USH2A: variants seen among roughly 807,000 people sequenced by gnomAD.
USH2A encodes the protein Usher syndrome 2A (autosomal recessive, mild).
A neutral mutation model predicts 538.9 loss-of-function variants in USH2A; 443 were observed. The ratio of observed to expected loss-of-function variants is 0.82; its 90% CI spans 0.76 to 0.89. The LOEUF is 0.89. Ranked by LOEUF, USH2A falls within the 40% of genes least tolerant of loss-of-function variation. USH2A has a pLI of 0.00. For synonymous variants in USH2A, 2,413 were observed against 2,273.5 expected, an observed-to-expected ratio of 1.06 and a Z score of -1.75; for missense variants, 6,633 against 6,324.8, an observed-to-expected ratio of 1.05 and a Z score of -1.65.
intron 38 of USH2A, among the ~76,000 whole-genome samples, chr1:215,930,816 G>A (rs1376545317): frequency 1.3e-5 from 2 of 151,934 alleles, no homozygotes; most frequent in African/African-American, 4.8e-5. Context: ...CCTTGAAGGG[G>A]TAAAGGCCAT....
At chr1:215,727,782 A>G (rs1214966871) in intron 61 of USH2A, among the ~76,000 whole-genome samples, 1 of 152,274 alleles carries the variant, frequency 6.6e-6, no homozygotes, top group African/African-American at 2.4e-5. Flanking sequence ...CAATTTTATG[A>G]ATAAATAAAA....
In USH2A at chr1:215,675,532, G is replaced by C. The variant is rs1657993885; in HGVS notation, c.12379C>G (p.Leu4127Val). ...FLFRRLDPFT[L>V]YTLTLEACTR... ...CAGGCCTCCAGGGTCAGTGTGTAGAGAGTGAAAGGATCCAGGCGGCGGAAG... is the reference window on the plus strand; with the variant it reads ...CAGGCCTCCAGGGTCAGTGTGTAGACAGTGAAAGGATCCAGGCGGCGGAAG... The change falls in exon 63 of 72, where the codon CTC becomes GTC. Residue 4127 changes from leucine to valine, a missense_variant. Coordinates refer to ENST00000307340, the MANE Select transcript of USH2A (RefSeq NM_206933.4). 6.2e-7 allele frequency: 1 copy of C among 1,613,920 alleles called. No homozygotes were observed. The highest frequency in any genetic ancestry group is 8.5e-7 in the Non-Finnish European group (1 of 1,180,004).
At chr1:216,042,634 A>G (rs2030328039) in intron 32 of USH2A, among the ~76,000 whole-genome samples, 1 of 152,078 alleles carries the variant, frequency 6.6e-6, no homozygotes, top group Non-Finnish European at 1.5e-5. Context: ...TAAACTGCCC[A>G]TAGAAGCTAA....
At chr1:216,073,011 A>T (rs762634833) in intron 28 of USH2A, 42 bp from the exon 29 acceptor site, 5 of 1,611,972 alleles carry the variant, frequency 3.1e-6, no homozygotes, top group South Asian at 1.1e-5. Flanking sequence ...AATAATACTC[A>T]TATAGATTAA....
chr1:216,375,814 T>A (rs1046202498), intron 3 of USH2A, among the ~76,000 whole-genome samples: 1 of 152,150 alleles, frequency 6.6e-6, no homozygotes, highest in Non-Finnish European at 1.5e-5. Context: ...AATGTTACTC[T>A]TCCTTTCACT....
At chr1:216,393,709 A>G (rs993600888) in intron 3 of USH2A, among the ~76,000 whole-genome samples, 3 of 152,188 alleles carry the variant, frequency 2.0e-5, no homozygotes, top group Admixed American at 2.0e-4. Context: ...CTCCCTGCCA[A>G]TCACAAGTAA....
At chr1:215,742,433 T>TATGTTATATATGATATACACATATATC (rs202118352) in intron 59 of USH2A, among the ~76,000 whole-genome samples, 4 of 152,052 alleles carry the variant, frequency 2.6e-5, no homozygotes, top group East Asian at 3.9e-4. Context: ...ATATATATCA[T>TATGTTATATATGATATACACATATATC]ATGTTATATA....
intron 11 of USH2A, among the ~76,000 whole-genome samples, chr1:216,287,399 T>G (rs1446439423): frequency 6.6e-6 from 1 of 152,200 alleles, no homozygotes; most frequent in African/African-American, 2.4e-5. Flanking sequence ...TATAAGATGT[T>G]AAGAAAGAAA....
At chr1:215,863,584 C>T (rs1053301678) in intron 44 of USH2A, among the ~76,000 whole-genome samples, 1 of 151,970 alleles carries the variant, frequency 6.6e-6, no homozygotes, top group Non-Finnish European at 1.5e-5. Context: ...TTCCAGAGTT[C>T]ACTGAGTGCT....
chr1:216,246,642 C>T lies in USH2A; in HGVS notation c.2752G>A (p.Gly918Ser), dbSNP rs576849022. 6.2e-6 allele frequency: 10 copies of T among 1,614,050 alleles called. No individual in the cohort carries two copies. The East Asian group carries it at 8.9e-5, about 14-fold the overall frequency. Residue 918 changes from glycine (G) to serine (S), a missense_variant, in exon 13 of 72, where the codon GGC (glycine) becomes AGC (serine). Coordinates refer to ENST00000307340, the MANE Select transcript of USH2A (RefSeq NM_206933.4). Reference protein sequence around the residue: ...LPGTICDPISGQCLCVPNRQG... With the variant: ...LPGTICDPISSQCLCVPNRQG... ...CGATTAGGCACACACAGGCACTGGCCACTGATTGGGTCACAAATGGTCCCA... is the reference window on the plus strand; with the variant it reads ...CGATTAGGCACACACAGGCACTGGCTACTGATTGGGTCACAAATGGTCCCA...
intron 50 of USH2A, among the ~76,000 whole-genome samples, chr1:215,797,465 C>T (rs557543949): frequency 5.9e-5 from 9 of 152,190 alleles, no homozygotes; most frequent in East Asian, 3.9e-4. Context: ...AAAGTCAACG[C>T]CTGGTTTCAA....
chr1:216,232,783 T>C (rs2035726939), intron 13 of USH2A, among the ~76,000 whole-genome samples: 1 of 152,206 alleles, frequency 6.6e-6, no homozygotes, highest in Non-Finnish European at 1.5e-5. Flanking sequence ...ACCACTTTTT[T>C]TATAACTAAT....
chr1:216,149,799 C>A (rs892262278), intron 21 of USH2A, among the ~76,000 whole-genome samples: 3 of 152,124 alleles, frequency 2.0e-5, no homozygotes, highest in African/African-American at 4.8e-5. Context: ...AACTCTATAA[C>A]CTCAATGGAC....
intron 11 of USH2A, among the ~76,000 whole-genome samples, chr1:216,272,079 A>G (rs965326019): frequency 1.3e-5 from 2 of 152,092 alleles, no homozygotes; most frequent in African/African-American, 4.8e-5. Flanking sequence ...TGTAGGACTA[A>G]TATTATTTAT....
intron 32 of USH2A, among the ~76,000 whole-genome samples, chr1:216,013,887 A>G (rs1668639953): frequency 6.6e-6 from 1 of 152,200 alleles, no homozygotes; most frequent in Admixed American, 6.5e-5. Context: ...TACAATAGAA[A>G]TTGGGTATTT....
chr1:216,217,575 C>T (rs2035367883), intron 14 of USH2A, 25 bp from the exon 15 acceptor site: 1 of 1,611,340 alleles, frequency 6.2e-7, no homozygotes, highest in Non-Finnish European at 8.5e-7. Flanking sequence ...AATAAACCAT[C>T]AAAGAGAATA....
intron 21 of USH2A, among the ~76,000 whole-genome samples, chr1:216,106,993 C>T (rs992378232): frequency 3.3e-5 from 5 of 151,708 alleles, no homozygotes; most frequent in African/African-American, 1.2e-4. Context: ...CTGACTTCAA[C>T]TTTTTAAATA....
In USH2A at chr1:215,626,742, T is replaced by A. The variant is rs1656039085; in HGVS notation, c.15520-872A>T. 2.0e-5 allele frequency among the ~76,000 whole-genome samples: 3 copies of A among 152,182 alleles called. No homozygotes were observed. In the South Asian group the frequency reaches 6.2e-4, roughly 31 times the overall value. ...TAAGAACCCAAACCCATAAAAATAATTGCTAGCTGTGTAATCTCTCATTAA... is the reference window on the plus strand; with the variant it reads ...TAAGAACCCAAACCCATAAAAATAAATGCTAGCTGTGTAATCTCTCATTAA... On this transcript the variant is annotated intron_variant, in intron 71 of 71. Coordinates refer to ENST00000307340, the MANE Select transcript of USH2A (RefSeq NM_206933.4).
chr1:215,677,835 C>T (rs761873786), intron 62 of USH2A, among the ~76,000 whole-genome samples: 5 of 152,172 alleles, frequency 3.3e-5, no homozygotes, highest in African/African-American at 9.7e-5. Context: ...ATATAACATC[C>T]ACCTGCTAAC....
Sources: gnomAD v4.1 joint callset for allele counts (sites outside exome capture counted in the v4.1 genomes callset) on GRCh38, gnomAD v4.1.1 for gene constraint, MANE v1.5 for transcripts, NCBI Gene and HGNC (gene_info 2026-07-23, HGNC 2026-07-21) for gene names.